Variants in TMEM220 observed in about 807,000 individuals in gnomAD.
TMEM220 encodes the protein transmembrane protein 220.
TMEM220 carries 21 observed loss-of-function variants against 21.7 expected under a neutral mutation model. The ratio of observed to expected loss-of-function variants is 0.97; its 90% CI spans 0.69 to 1.39. TMEM220 has a LOEUF of 1.39. Among genes scored for constraint, TMEM220 ranks in the 40% most tolerant of loss-of-function variants. The pLI, the probability that TMEM220 is intolerant of heterozygous loss-of-function variation, is 0.00. For synonymous variants in TMEM220, 80 were observed against 73.6 expected (o/e 1.09, Z -0.45); for missense variants, 191 against 201.9 (o/e 0.95, Z 0.33).
At chr17:10,718,965 T>C (rs1050383143) in intron 5 of TMEM220, among the ~76,000 whole-genome samples, 20 of 152,224 alleles carry the variant, frequency 1.3e-4, no homozygotes, top group African/African-American at 4.3e-4. Context: ...CTTTTTTGTG[T>C]TTGTTTGTTA....
At chr17:10,729,269 C>G (rs2075091152) in intron 1 of TMEM220, among the ~76,000 whole-genome samples, 1 of 152,164 alleles carries the variant, frequency 6.6e-6, no homozygotes, top group Non-Finnish European at 1.5e-5. Context: ...CAGGCAGCCA[C>G]ACATTTTTGA....
chr17:10,715,447 A>G lies in TMEM220; in HGVS notation c.*6T>C, dbSNP rs558113324. The G allele has an allele frequency of 1.3e-6, 2 of 1,580,376 alleles. No homozygotes were observed. Among genetic ancestry groups the G allele is most frequent in the South Asian group, 1.2e-5 (1 of 83,272 alleles). The stretch of plus-strand genomic sequence containing the variant: ...TTCATTTTAAAAACGAAGTTCTTGA[A>G]TTTATTTAAATTACTGTCTTGCAGT... On this transcript the variant is annotated 3_prime_UTR_variant, in exon 6 of 6. Transcript: ENST00000341871.
At position 10,716,748 on chromosome 17, in the gene TMEM220, A is replaced by G. The variant is rs80136268; in HGVS notation, c.348-1160T>C. Among the ~76,000 whole-genome samples, 143 of 152,360 alleles carry G rather than the reference A, an allele frequency of 9.4e-4. 1 individual carries two copies. The East Asian group carries it at 0.022, about 24-fold the overall frequency. The stretch of plus-strand genomic sequence containing the variant: ...GCTACCCTGAAGTACCATCTTTGCC[A>G]TAAGTCAAAACCCTACATATGTATA... On this transcript the variant is annotated intron_variant, in intron 5 of 5. Coordinates refer to ENST00000341871, the MANE Select transcript of TMEM220 (RefSeq NM_001004313.3).
Position 10,730,001 on chromosome 17 carries a change from C to T in TMEM220, c.-150G>A. On this transcript the variant is annotated 5_prime_UTR_variant, in exon 1 of 6. Coordinates refer to ENST00000341871, the MANE Select transcript of TMEM220 (RefSeq NM_001004313.3). ...TGGGGACACTGCCGTGGCCGTCGCT[C>T]CGCCCGGGGGCGGGGAGCGAAGGGC... 1.9e-6 allele frequency: 2 copies of T among 1,074,754 alleles called. No individual in the cohort carries two copies. Among genetic ancestry groups the T allele is most frequent in the Non-Finnish European group, 2.2e-6 (2 of 916,676 alleles). 66.6% of individuals were successfully genotyped at this position (1,074,754 alleles called of 1,614,324 possible). A position where few individuals can be genotyped will look rare whatever the true frequency, so the allele number is the denominator to read the frequency against.
At chr17:10,725,245 C>T in intron 3 of TMEM220, 111 bp from the exon 4 acceptor site, 1 of 1,445,306 alleles carries the variant, frequency 6.9e-7, no homozygotes, top group Non-Finnish European at 9.3e-7. Context: ...GACATTCAGA[C>T]TCCCTCAGCC....
At position 10,729,042 on chromosome 17, in the gene TMEM220, C is replaced by T; in HGVS notation, c.91G>A (p.Glu31Lys). 1 of 1,614,234 alleles carries T rather than the reference C, an allele frequency of 6.2e-7. No homozygotes were observed. The highest frequency in any genetic ancestry group is 2.2e-5 in the East Asian group (1 of 44,886). ...ALVQVNDPDA[E>K]VWVVVYTIPA... ...CGGCTCATACTCACCACCCACACCT[C>T]TGCATCTGGGTCATTTACCTGGAAC... The change falls in exon 2 of 6, where the codon GAG becomes AAG. Residue 31 changes from glutamate (E) to lysine (K), a missense_variant. Transcript: ENST00000341871.
intron 5 of TMEM220, chr17:10,716,534 A>T (rs9674829): frequency 0.02 from 12,407 of 613,406 alleles, 542 homozygotes; most frequent in East Asian, 0.14. Context: ...GACAACTGAG[A>T]CTGAACTTCT....
intron 5 of TMEM220, among the ~76,000 whole-genome samples, chr17:10,722,710 G>C (rs2075006529): frequency 6.6e-6 from 1 of 152,028 alleles, no homozygotes; most frequent in African/African-American, 2.4e-5. Context: ...TATTGTCTTT[G>C]CTCTTCATTC....
intron 2 of TMEM220, 98 bp downstream of exon 2, chr17:10,728,933 T>A: frequency 7.6e-7 from 1 of 1,310,516 alleles, no homozygotes; most frequent in South Asian, 1.2e-5. Flanking sequence ...TCTCAGAAAA[T>A]TAAGCAGGGA....
chr17:10,719,786 T>C (rs990548499), intron 5 of TMEM220, among the ~76,000 whole-genome samples: 3 of 152,182 alleles, frequency 2.0e-5, no homozygotes, highest in African/African-American at 7.2e-5. Context: ...ATACTTTGCA[T>C]AAGCAAAGTT....
chr17:10,713,825 T>G lies in TMEM220; in HGVS notation c.*1628A>C, dbSNP rs1808465600. 6.6e-6 allele frequency: 1 copy of G among 152,166 alleles called. No individual in the cohort carries two copies. The highest frequency in any genetic ancestry group is 2.4e-5 in the African/African-American group (1 of 41,436). 9.4% of individuals were successfully genotyped at this position (152,166 alleles called of 1,614,324 possible). On this transcript the variant is annotated 3_prime_UTR_variant, in exon 6 of 6. Coordinates refer to ENST00000341871, the MANE Select transcript of TMEM220 (RefSeq NM_001004313.3). ...TACACATACCTCCTTTAACAAATAT[T>G]TATAGAATATTTACTATAGTAATAA...
chr17:10,715,689 T>A, intron 5 of TMEM220, 101 bp from the exon 6 acceptor site: 1 of 819,470 alleles, frequency 1.2e-6, no homozygotes, highest in Non-Finnish European at 1.8e-6. Context: ...TTTTAGTATG[T>A]TCTCATCTCA....
chr17:10,716,779 G>T (rs9674970), intron 5 of TMEM220, among the ~76,000 whole-genome samples: 1 of 152,060 alleles, frequency 6.6e-6, no homozygotes, highest in African/African-American at 2.4e-5. Context: ...GTATAGATCC[G>T]TTTCTAAATT....
At chr17:10,729,746 C>T (rs2075101036) in intron 1 of TMEM220, 34 bp downstream of exon 1, 1 of 1,329,308 alleles carries the variant, frequency 7.5e-7, no homozygotes, top group East Asian at 3.1e-5. Context: ...AGCTGGGAGC[C>T]GGGCGGGTCC....
At chr17:10,711,789 T>A (rs2074855486), downstream of TMEM220, among the ~76,000 whole-genome samples, 1 of 152,188 alleles carries the variant, frequency 6.6e-6, no homozygotes, top group South Asian at 2.1e-4. Context: ...AGCAGGTAAA[T>A]AAATTTACAC....
In TMEM220 at chr17:10,726,204, C is replaced by T; in HGVS notation, c.163G>A (p.Gly55Ser). The change falls in exon 3 of 6, where the codon GGT becomes AGT. Residue 55 changes from glycine to serine, a missense_variant and splice_region_variant. Transcript: ENST00000341871. The part of the protein sequence containing the change: ...LLVGLNPEVT[G>S]NVIWKSISAI... ...TCCATTTAGAATGCAAGGCTTATACCTGTGACTTCAGGGTTAAGTCCAACA... is the reference window on the plus strand; with the variant it reads ...TCCATTTAGAATGCAAGGCTTATACTTGTGACTTCAGGGTTAAGTCCAACA... 1.2e-6 allele frequency: 2 copies of T among 1,613,496 alleles called. No homozygotes were observed. Among genetic ancestry groups the T allele is most frequent in the Non-Finnish European group, 1.7e-6 (2 of 1,179,422 alleles).
intron 5 of TMEM220, among the ~76,000 whole-genome samples, chr17:10,721,438 G>A (rs1226885375): frequency 2.0e-5 from 3 of 151,748 alleles, no homozygotes; most frequent in African/African-American, 2.4e-5. Flanking sequence ...GTGAAACCCC[G>A]TCTCTACTAA....
At position 10,726,204 on chromosome 17, in the gene TMEM220, C is replaced by G. The variant is rs1485167185; in HGVS notation, c.163G>C (p.Gly55Arg). The change falls in exon 3 of 6, where the codon GGT (glycine) becomes CGT (arginine). Residue 55 changes from glycine (G) to arginine (R), a missense_variant and splice_region_variant. By Grantham distance (125) the Gly-to-Arg change is moderately radical (BLOSUM62 -2). Coordinates refer to ENST00000341871, the MANE Select transcript of TMEM220 (RefSeq NM_001004313.3). ...LLVGLNPEVT[G>R]NVIWKSISAI... ...TCCATTTAGAATGCAAGGCTTATAC[C>G]TGTGACTTCAGGGTTAAGTCCAACA... The G allele has an allele frequency of 6.2e-7, 1 of 1,613,496 alleles. No homozygotes were observed. The highest frequency in any genetic ancestry group is 1.3e-5 in the African/African-American group (1 of 75,030).
At chr17:10,725,478 T>C (rs1375610803) in intron 3 of TMEM220, among the ~76,000 whole-genome samples, 6 of 152,176 alleles carry the variant, frequency 3.9e-5, no homozygotes, top group Non-Finnish European at 7.3e-5. Flanking sequence ...CCACAGTGAT[T>C]TGGATCAGCA....
Sources: allele counts gnomAD v4.1 joint callset (sites outside exome capture counted in the v4.1 genomes callset), GRCh38; gene constraint gnomAD v4.1.1; transcripts MANE v1.5; gene names NCBI Gene and HGNC (gene_info 2026-07-23, HGNC 2026-07-21).